ADAMTSL1: variants seen among roughly 807,000 people sequenced by gnomAD.
ADAMTSL1 encodes the protein ADAMTS-like protein 1.
Under a neutral mutation model 201.8 loss-of-function variants are expected in ADAMTSL1, and 126 were observed. That is an observed-to-expected ratio of 0.62 (90% CI 0.54 to 0.72). The LOEUF is 0.72. ADAMTSL1 is among the 30% of genes least tolerant of loss of function. The pLI, the probability that ADAMTSL1 is intolerant of heterozygous loss-of-function variation, is 0.00. For missense variants in ADAMTSL1, 2,679 were observed against 2,277.8 expected (o/e 1.18, Z -3.59); for synonymous variants, 1,121 against 903.4 (o/e 1.24, Z -4.32).
intron 1 of ADAMTSL1, among the ~76,000 whole-genome samples, chr9:18,087,646 A>G (rs1823825111): frequency 6.6e-6 from 1 of 152,172 alleles, no homozygotes; most frequent in Non-Finnish European, 1.5e-5. Flanking sequence ...AGAAAGTTGT[A>G]TCGTAATTTA....
chr9:18,763,093 A>C (rs540937183), intron 16 of ADAMTSL1, among the ~76,000 whole-genome samples: 2 of 152,340 alleles, frequency 1.3e-5, no homozygotes, highest in African/African-American at 4.8e-5. Flanking sequence ...GCTGTTCTCC[A>C]TAGTGGTTGT....
intron 1 of ADAMTSL1, among the ~76,000 whole-genome samples, chr9:18,047,504 G>A (rs914688130): frequency 6.6e-6 from 1 of 152,124 alleles, no homozygotes; most frequent in Non-Finnish European, 1.5e-5. Flanking sequence ...TCAGAAGGTA[G>A]TGACTGCAAG....
At chr9:18,230,554 A>C (rs1167706191) in intron 2 of ADAMTSL1, among the ~76,000 whole-genome samples, 3 of 152,110 alleles carry the variant, frequency 2.0e-5, no homozygotes, top group Non-Finnish European at 4.4e-5. Flanking sequence ...CTGCCTAATA[A>C]ATAAATTATA....
At chr9:18,708,818 C>A (rs1832382962) in intron 14 of ADAMTSL1, among the ~76,000 whole-genome samples, 1 of 152,202 alleles carries the variant, frequency 6.6e-6, no homozygotes, top group African/African-American at 2.4e-5. Context: ...AAAATAGATA[C>A]AGTAATGGAA....
intron 2 of ADAMTSL1, among the ~76,000 whole-genome samples, chr9:18,229,356 T>C (rs562556814): frequency 2.4e-4 from 36 of 152,218 alleles, no homozygotes; most frequent in African/African-American, 7.9e-4. Context: ...GGGACATGAT[T>C]ATGGTCCTTA....
intron 2 of ADAMTSL1, among the ~76,000 whole-genome samples, chr9:18,426,862 C>A (rs781197887): frequency 4.6e-5 from 7 of 152,148 alleles, no homozygotes; most frequent in African/African-American, 7.2e-5. Flanking sequence ...AAATGAAGAA[C>A]AGGGAACAGT....
intron 2 of ADAMTSL1, among the ~76,000 whole-genome samples, chr9:18,310,853 G>C (rs1364477993): frequency 6.6e-6 from 1 of 151,950 alleles, no homozygotes; most frequent in Non-Finnish European, 1.5e-5. Flanking sequence ...TCCATTACTG[G>C]GTATATACCC....
intron 1 of ADAMTSL1, among the ~76,000 whole-genome samples, chr9:17,991,390 T>C (rs1819143552): frequency 6.6e-6 from 1 of 152,164 alleles, no homozygotes; most frequent in Non-Finnish European, 1.5e-5. Context: ...CAGGTGGGTC[T>C]GAAAAGTACC....
At position 17,946,812 on chromosome 9, in the gene ADAMTSL1, T is replaced by C. The variant is rs1187475619; in HGVS notation, c.87+39890T>C. On this transcript the variant is annotated intron_variant, in intron 1 of 29. Transcript: ENST00000680146. Reference sequence around the variant, plus strand: ...CTGTTTATAAGCTGTGGTTTCATAATTGCAATTTGCTAAAAGCTTTGAAAA... The same window carrying C: ...CTGTTTATAAGCTGTGGTTTCATAACTGCAATTTGCTAAAAGCTTTGAAAA... 2.6e-5 allele frequency among the ~76,000 whole-genome samples: 4 copies of C among 152,176 alleles called. 1 individual carries two copies. Among genetic ancestry groups the C allele is most frequent in the Admixed American group, 1.3e-4 (2 of 15,258 alleles).
intron 1 of ADAMTSL1, among the ~76,000 whole-genome samples, chr9:18,018,808 T>C (rs1264922552): frequency 6.6e-6 from 1 of 152,054 alleles, no homozygotes; most frequent in African/African-American, 2.4e-5. Flanking sequence ...TAATGTTTGC[T>C]GTTTTAAGGC....
At position 18,381,627 on chromosome 9, in the gene ADAMTSL1, A is replaced by G. The variant is rs73432635; in HGVS notation, c.208-123202A>G. On this transcript the variant is annotated intron_variant, in intron 2 of 29. Coordinates refer to the ADAMTSL1 transcript ENST00000680146. ...GAAAGAATTTTCTTCTTTTTCACAG[A>G]GAAGGAGACGGTTCCTTTAATGAAA... Among the ~76,000 whole-genome samples, 321 of 152,282 alleles carry G rather than the reference A, an allele frequency of 2.1e-3. 2 individuals are homozygous for G. Among genetic ancestry groups the G allele is most frequent in the African/African-American group, 7.2e-3 (300 of 41,566 alleles).
At chr9:18,073,012 A>G (rs144505367) in intron 1 of ADAMTSL1, among the ~76,000 whole-genome samples, 122 of 152,238 alleles carry the variant, frequency 8.0e-4, no homozygotes, top group African/African-American at 2.7e-3. Flanking sequence ...CGAAGCTGAT[A>G]TTTAGTTAGT....
At chr9:18,691,622 C>G (rs1196752165) in intron 13 of ADAMTSL1, among the ~76,000 whole-genome samples, 1 of 152,142 alleles carries the variant, frequency 6.6e-6, no homozygotes, top group Admixed American at 6.6e-5. Context: ...AGATACAATC[C>G]TGCTGGAATC....
intron 2 of ADAMTSL1, among the ~76,000 whole-genome samples, chr9:18,251,019 G>C (rs1244638361): frequency 6.6e-6 from 1 of 151,888 alleles, no homozygotes; most frequent in Non-Finnish European, 1.5e-5. Flanking sequence ...AGAAATAGAA[G>C]AGAATGTTAA....
intron 2 of ADAMTSL1, among the ~76,000 whole-genome samples, chr9:18,424,295 G>T (rs991578086): frequency 6.6e-6 from 1 of 152,170 alleles, no homozygotes; most frequent in Non-Finnish European, 1.5e-5. Context: ...AACTCATGCT[G>T]TAAGAGAAGT....
At chr9:18,127,205 C>A (rs1054750725) in intron 1 of ADAMTSL1, among the ~76,000 whole-genome samples, 2 of 152,028 alleles carry the variant, frequency 1.3e-5, no homozygotes, top group Non-Finnish European at 2.9e-5. Flanking sequence ...TGAAGAGAAG[C>A]CTGTGCTTCA....
intron 1 of ADAMTSL1, among the ~76,000 whole-genome samples, chr9:18,022,764 A>G (rs1820531679): frequency 6.6e-6 from 1 of 152,170 alleles, no homozygotes; most frequent in South Asian, 2.1e-4. Context: ...CTTCTTTCCT[A>G]TTGTGAACAT....
chr9:17,938,421 C>T (rs1052911545), intron 1 of ADAMTSL1, among the ~76,000 whole-genome samples: 1 of 152,154 alleles, frequency 6.6e-6, no homozygotes, highest in Admixed American at 6.6e-5. Context: ...CCCCCAGGTA[C>T]TATGCCGGGC....
chr9:17,976,794 C>T (rs1489109683), intron 1 of ADAMTSL1, among the ~76,000 whole-genome samples: 1 of 142,858 alleles, frequency 7.0e-6, no homozygotes, highest in Non-Finnish European at 1.5e-5. Context: ...TATAAATTTA[C>T]TTATTTCTTT....
Sources: allele counts gnomAD v4.1 joint callset (sites outside exome capture counted in the v4.1 genomes callset), GRCh38; gene constraint gnomAD v4.1.1; transcripts MANE v1.5; gene names NCBI Gene and HGNC (gene_info 2026-07-23, HGNC 2026-07-21).